PCDHA9: variants seen among roughly 807,000 people sequenced by gnomAD.
PCDHA9 encodes the protein protocadherin alpha 9.
Under a neutral mutation model 62.0 loss-of-function variants are expected in PCDHA9, and 62 were observed. The observed-to-expected ratio is 1.00, with a 90% confidence interval of 0.81 to 1.23. PCDHA9 has a LOEUF of 1.23. Ranked by LOEUF, PCDHA9 falls within the 50% of genes most tolerant of loss-of-function variation. The pLI is 0.00. For synonymous variants in PCDHA9, 557 were observed against 567.6 expected (o/e 0.98, Z 0.27); for missense variants, 1,205 against 1,249.8 (o/e 0.96, Z 0.54).
At chr5:140,870,826 G>T (rs781804523) in intron 1 of PCDHA9, 16 of 1,613,638 alleles carry the variant, frequency 9.9e-6, no homozygotes, top group Non-Finnish European at 1.3e-5. Context: ...CGCGGGAGGC[G>T]CAGTTAACAA....
intron 1 of PCDHA9, 78 bp from the exon 2 acceptor site, chr5:140,978,871 T>A (rs1328301924): frequency 6.2e-7 from 1 of 1,606,392 alleles, no homozygotes; most frequent in Non-Finnish European, 8.5e-7. Context: ...TTTAAGGGAG[T>A]AACTAATCAA....
chr5:140,873,497 T>C (rs1236825837), intron 1 of PCDHA9, among the ~76,000 whole-genome samples: 1 of 152,230 alleles, frequency 6.6e-6, no homozygotes, highest in Non-Finnish European at 1.5e-5. Context: ...TGCAAAGTTG[T>C]GTCTTTTATA....
In PCDHA9 at chr5:140,848,561, A is replaced by C; in HGVS notation, c.66A>C (p.Ala22=). Residue 22 remains alanine, a synonymous_variant, in exon 1 of 4, where the codon GCA becomes GCC. Coordinates refer to ENST00000532602, the MANE Select transcript of PCDHA9 (RefSeq NM_031857.2). ...TACTGCTCTCGCTTCTGATCCTCGC[A>C]ATGTGGGTGGTGGGGAGCGGCCAGC... ...QPLLLSLLIL[A]MWVVGSGQLH... 6.3e-7 allele frequency: 1 copy of C among 1,595,546 alleles called. No individual in the cohort carries two copies.
intron 1 of PCDHA9, chr5:140,877,288 T>C (rs782747810): frequency 1.9e-6 from 3 of 1,613,908 alleles, no homozygotes; most frequent in Non-Finnish European, 2.5e-6. Context: ...CTATAACGCT[T>C]GGCTGTCCTA....
chr5:140,893,863 A>G (rs568224949), intron 1 of PCDHA9, among the ~76,000 whole-genome samples: 1 of 152,300 alleles, frequency 6.6e-6, no homozygotes, highest in African/African-American at 2.4e-5. Context: ...GTATAGAAAC[A>G]ACCCAGATCC....
chr5:140,870,954 G>A, intron 1 of PCDHA9: 1 of 1,613,632 alleles, frequency 6.2e-7, no homozygotes, highest in Non-Finnish European at 8.5e-7. Flanking sequence ...CGGGCGGCTC[G>A]CGCATCCCGT....
chr5:140,867,686 C>CT, intron 1 of PCDHA9: 1 of 152,084 alleles, frequency 6.6e-6, no homozygotes, highest in Middle Eastern at 3.4e-3. Flanking sequence ...GTTGCATCTT[C>CT]TTTTTTTCCT....
intron 3 of PCDHA9, among the ~76,000 whole-genome samples, chr5:141,000,387 CTCTCTCTCTATATATATATA>C (rs1348939997): frequency 1.5e-5 from 1 of 66,898 alleles, no homozygotes; most frequent in Non-Finnish European, 2.8e-5. Context: ...CTCTCTCTCT[CTCTCTCTCTATATATATATA>C]TATATATATA....
chr5:140,889,893 C>A (rs1275511475), intron 1 of PCDHA9, among the ~76,000 whole-genome samples: 2 of 152,158 alleles, frequency 1.3e-5, no homozygotes, highest in Admixed American at 1.3e-4. Flanking sequence ...AGAATTCTGA[C>A]TACCTTGAGA....
chr5:140,958,484 G>T (rs246009), intron 1 of PCDHA9, among the ~76,000 whole-genome samples: 1 of 151,754 alleles, frequency 6.6e-6, no homozygotes, highest in Non-Finnish European at 1.5e-5. Flanking sequence ...AGAGCACTAA[G>T]TCCACATATC....
Position 140,850,254 on chromosome 5 carries a change from G to A in PCDHA9, c.1759G>A (p.Ala587Thr). 3.8e-6 allele frequency: 6 copies of A among 1,593,786 alleles called. No individual in the cohort carries two copies. Among genetic ancestry groups the A allele is most frequent in the South Asian group, 1.1e-5 (1 of 90,408 alleles). ...VSEMVLRSVG[A>T]GVVVGKVRAV... ...CGAGATGGTGCTGCGGTCGGTGGGCGCCGGCGTAGTGGTGGGGAAGGTGCG... is the reference window on the plus strand; with the variant it reads ...CGAGATGGTGCTGCGGTCGGTGGGCACCGGCGTAGTGGTGGGGAAGGTGCG... The change falls in exon 1 of 4, where the codon GCC (alanine) becomes ACC (threonine). Residue 587 changes from alanine to threonine, a missense_variant. Coordinates refer to ENST00000532602, the MANE Select transcript of PCDHA9 (RefSeq NM_031857.2).
At position 140,863,376 on chromosome 5, in the gene PCDHA9, C is replaced by A. The variant is rs781824830; in HGVS notation, c.2394+12487C>A. The A allele has an allele frequency of 5.3e-6, 6 of 1,123,238 alleles. No individual in the cohort carries two copies. The Admixed American group carries it at 5.5e-5, about 10-fold the overall frequency. 69.6% of individuals were successfully genotyped at this position (1,123,238 alleles called of 1,614,324 possible). On this transcript the variant is annotated intron_variant, in intron 1 of 3. Transcript: ENST00000532602. ...CGCTGCGGTGCTTGGCGCAGCTCAC[C>A]GAGAGCTCGTGCATGCCGGGCAAGC... is the stretch of plus-strand genomic sequence containing the variant.
At chr5:140,941,618 C>A (rs532721732) in intron 1 of PCDHA9, among the ~76,000 whole-genome samples, 1 of 151,904 alleles carries the variant, frequency 6.6e-6, no homozygotes, top group African/African-American at 2.4e-5. Context: ...CCCAGCCCAT[C>A]CTGCTTCTTA....
chr5:140,968,569 C>G (rs1554230875), intron 1 of PCDHA9: 18 of 1,614,086 alleles, frequency 1.1e-5, no homozygotes, highest in Non-Finnish European at 1.5e-5. Context: ...CCCCTGCTGG[C>G]TACCTGGTCA....
At chr5:140,868,478 A>G (rs2050491329) in intron 1 of PCDHA9, 2 of 152,364 alleles carry the variant, frequency 1.3e-5, no homozygotes, top group African/African-American at 2.4e-5. Flanking sequence ...TAAAACTTCA[A>G]TTTTTTCTTT....
At chr5:140,958,135 G>T (rs868969031) in intron 1 of PCDHA9, among the ~76,000 whole-genome samples, 3 of 152,036 alleles carry the variant, frequency 2.0e-5, no homozygotes, top group Non-Finnish European at 4.4e-5. Context: ...GTATCAGTGT[G>T]TATATTTATA....
intron 1 of PCDHA9, among the ~76,000 whole-genome samples, chr5:140,951,382 G>A (rs246042): frequency 0.56 from 85,615 of 151,810 alleles, 24,753 homozygotes; most frequent in African/African-American, 0.69. Context: ...CCCAAGACTC[G>A]GTAATTTATA....
chr5:140,886,062 C>T (rs925772414), intron 1 of PCDHA9, among the ~76,000 whole-genome samples: 10 of 152,172 alleles, frequency 6.6e-5, no homozygotes, highest in Non-Finnish European at 1.2e-4. Context: ...CTTACAAAAG[C>T]GTAGGGCCAT....
rs1338866234 is a variant in PCDHA9 at position 141,009,892 on chromosome 5, GAA to G, written c.2813_2814del (p.Lys938ArgfsTer8). ...AGAAGAAGGGTAACAAGACCCAGGA[GAA>G]AAAAGAGAAAGGGAACAGCACGACT... ...KKKKGNKTQE[K>X]KEKGNSTTDN... On this transcript the variant is annotated frameshift_variant, in exon 4 of 4. Coordinates refer to ENST00000532602, the MANE Select transcript of PCDHA9 (RefSeq NM_031857.2). LOFTEE classifies it high-confidence loss of function. The G allele has an allele frequency of 3.7e-6, 6 of 1,612,022 alleles. No individual in the cohort carries two copies. The Admixed American group carries it at 1.0e-4, about 27-fold the overall frequency.
Sources: gnomAD v4.1 joint callset for allele counts (sites outside exome capture counted in the v4.1 genomes callset) on GRCh38, gnomAD v4.1.1 for gene constraint, MANE v1.5 for transcripts, NCBI Gene and HGNC (gene_info 2026-07-23, HGNC 2026-07-21) for gene names.